Variants in KIF6 observed in about 807,000 individuals in gnomAD.
KIF6 encodes kinesin family member 6.
In KIF6, 106 loss-of-function variants were observed where a neutral mutation model predicts 112.7. The observed-to-expected ratio is 0.94, with a 90% CI of 0.80 to 1.11. KIF6 has a LOEUF of 1.11. KIF6 is among the 50% of genes least tolerant of loss of function. The pLI is 0.00. For synonymous variants in KIF6, 339 were observed against 339.9 expected (o/e 1.00, Z 0.03); for missense variants, 929 against 964.0 (o/e 0.96, Z 0.48).
intron 7 of KIF6, among the ~76,000 whole-genome samples, chr6:39,591,607 T>C (rs1056094706): frequency 1.3e-5 from 2 of 152,118 alleles, no homozygotes; most frequent in Admixed American, 1.3e-4. Context: ...AAGAGGACCG[T>C]GAGAAGGTAC....
In KIF6 at chr6:39,404,805, T is replaced by A. The variant is rs2150344380; in HGVS notation, c.1810+15143A>T. Among the ~76,000 whole-genome samples, 2 of 152,196 alleles carry A rather than the reference T, an allele frequency of 1.3e-5. 1 individual carries two copies. Among genetic ancestry groups the A allele is most frequent in the South Asian group, 4.1e-4 (2 of 4,830 alleles). On this transcript the variant is annotated intron_variant, in intron 15 of 22. Coordinates refer to ENST00000287152, the MANE Select transcript of KIF6 (RefSeq NM_145027.6). Reference sequence around the variant, plus strand: ...ATTGAGTCTTTTAATCCATAAACATTTTTTTGCCTCCATTTATTTATGTCT... The same window carrying A: ...ATTGAGTCTTTTAATCCATAAACATATTTTTGCCTCCATTTATTTATGTCT...
intron 13 of KIF6, among the ~76,000 whole-genome samples, chr6:39,452,383 AC>A (rs1772760626): frequency 6.6e-6 from 1 of 152,210 alleles, no homozygotes; most frequent in Admixed American, 6.5e-5. Flanking sequence ...CTTGGTAGTG[AC>A]CATCCTCTCT....
chr6:39,361,059 C>T (rs993041462), intron 17 of KIF6, among the ~76,000 whole-genome samples: 1 of 152,194 alleles, frequency 6.6e-6, no homozygotes, highest in Non-Finnish European at 1.5e-5. Flanking sequence ...TCCGCTGGCT[C>T]ACCTTCATGC....
chr6:39,664,367 A>G (rs1786329894), intron 3 of KIF6, among the ~76,000 whole-genome samples: 1 of 152,114 alleles, frequency 6.6e-6, no homozygotes, highest in African/African-American at 2.4e-5. Flanking sequence ...GAGACTGAAA[A>G]CTATTAAACT....
intron 6 of KIF6, among the ~76,000 whole-genome samples, chr6:39,612,080 A>G (rs2150717930): frequency 6.6e-6 from 1 of 152,324 alleles, no homozygotes; most frequent in African/African-American, 2.4e-5. Context: ...CAACTGTGAC[A>G]AAAACAAAAA....
intron 10 of KIF6, among the ~76,000 whole-genome samples, chr6:39,577,326 A>G (rs1377975011): frequency 6.6e-6 from 1 of 152,254 alleles, no homozygotes; most frequent in Non-Finnish European, 1.5e-5. Context: ...AGGGAGGGTT[A>G]GGTGAAATTA....
At chr6:39,595,648 T>C (rs1782209810) in intron 7 of KIF6, among the ~76,000 whole-genome samples, 1 of 152,174 alleles carries the variant, frequency 6.6e-6, no homozygotes, top group Non-Finnish European at 1.5e-5. Context: ...TTCTGATACA[T>C]GCTACAATAT....
rs190681951 is a variant in KIF6 at position 39,428,107 on chromosome 6, A to G, written c.1754+2946T>C. ...ATGGTTTCTGGACACTGTCTAAGCCAGTGGTTTTCAAACCTACATGCTACT... is the reference window on the plus strand; with the variant it reads ...ATGGTTTCTGGACACTGTCTAAGCCGGTGGTTTTCAAACCTACATGCTACT... On this transcript the variant is annotated intron_variant, in intron 14 of 22. Coordinates refer to ENST00000287152, the MANE Select transcript of KIF6 (RefSeq NM_145027.6). Among the ~76,000 whole-genome samples, 3 of 152,340 alleles carry G rather than the reference A, an allele frequency of 2.0e-5. No homozygotes were observed. The East Asian group carries it at 5.8e-4, about 29-fold the overall frequency.
chr6:39,439,912 C>A (rs1771807156), intron 13 of KIF6, among the ~76,000 whole-genome samples: 2 of 152,202 alleles, frequency 1.3e-5, no homozygotes, highest in South Asian at 4.1e-4. Context: ...ATTTTCCTGG[C>A]TGCTCCTAAA....
chr6:39,469,384 AT>A (rs2150437084), intron 13 of KIF6, among the ~76,000 whole-genome samples: 1 of 152,230 alleles, frequency 6.6e-6, no homozygotes, highest in Non-Finnish European at 1.5e-5. Context: ...GTCACATGAG[AT>A]TTAAAAAAAA....
In KIF6 at chr6:39,599,710, T is replaced by C. The variant is rs150877301; in HGVS notation, c.640-3450A>G. 3.3e-5 allele frequency among the ~76,000 whole-genome samples: 5 copies of C among 152,272 alleles called. No homozygotes were observed. In the East Asian group the frequency reaches 9.6e-4, roughly 29 times the overall value. On this transcript the variant is annotated intron_variant, in intron 6 of 22. Transcript: ENST00000287152. ...TTTCACTGTGATAGTCGCACAACAATAAATCCTACAATACTGTAACAAAAG... is the reference window on the plus strand; with the variant it reads ...TTTCACTGTGATAGTCGCACAACAACAAATCCTACAATACTGTAACAAAAG...
chr6:39,448,813 C>T (rs917694009), intron 13 of KIF6, among the ~76,000 whole-genome samples: 1 of 152,212 alleles, frequency 6.6e-6, no homozygotes, highest in Non-Finnish European at 1.5e-5. Context: ...TGACAGGCCA[C>T]TCCACTGGGA....
intron 10 of KIF6, among the ~76,000 whole-genome samples, chr6:39,552,081 G>A (rs9394611): frequency 0.042 from 6,405 of 152,226 alleles, 278 homozygotes; most frequent in East Asian, 0.25. Flanking sequence ...ATGTTAAGAA[G>A]CATTGCAACA....
intron 16 of KIF6, among the ~76,000 whole-genome samples, chr6:39,375,795 A>G (rs1474301301): frequency 6.6e-6 from 1 of 152,184 alleles, no homozygotes; most frequent in Non-Finnish European, 1.5e-5. Context: ...ATATATCAAT[A>G]TATTTCCTAT....
At chr6:39,346,086 C>CTCTCTCTCTCTCTCTCTCTCTCTCT (rs1326236666) in intron 20 of KIF6, among the ~76,000 whole-genome samples, 1 of 27,000 alleles carries the variant, frequency 3.7e-5, no homozygotes, top group Non-Finnish European at 6.4e-5. Context: ...CTCTCTCTCT[C>CTCTCTCTCTCTCTCTCTCTCTCTCT]CCCCCCCTCT....
At chr6:39,523,036 CATCT>C (rs1168996360) in intron 13 of KIF6, among the ~76,000 whole-genome samples, 2 of 152,176 alleles carry the variant, frequency 1.3e-5, no homozygotes, top group Admixed American at 6.5e-5. Context: ...TAGACATTCC[CATCT>C]CGTGCTCATT....
chr6:39,607,329 T>C (rs943392609), intron 6 of KIF6, among the ~76,000 whole-genome samples: 3 of 152,160 alleles, frequency 2.0e-5, no homozygotes, highest in Non-Finnish European at 4.4e-5. Context: ...TCAGGTTAGA[T>C]CAGAATGCAA....
chr6:39,537,529 A>G (rs1420423881), intron 13 of KIF6, among the ~76,000 whole-genome samples: 1 of 151,878 alleles, frequency 6.6e-6, no homozygotes, highest in Non-Finnish European at 1.5e-5. Flanking sequence ...GGACCTCTTC[A>G]AGGAGAACTA....
At position 39,357,388 on chromosome 6, in the gene KIF6, A is replaced by AAGG. The variant is rs753922680; in HGVS notation, c.2083-17_2083-15dup. ...TGGAGAATTTACCTGTTGGCCCCAG[A>AAGG]AGGAGTTTCACAGTGTTAGCTTGAA... On this transcript the variant is annotated splice_polypyrimidine_tract_variant and intron_variant, in intron 18 of 22. Transcript: ENST00000287152. 16 of 1,560,458 alleles carry AAGG rather than the reference A, an allele frequency of 1.0e-5. No homozygotes were observed. The African/African-American group carries it at 2.2e-4, about 21-fold the overall frequency.
Sources: gnomAD v4.1 joint callset for allele counts (sites outside exome capture counted in the v4.1 genomes callset) on GRCh38, gnomAD v4.1.1 for gene constraint, MANE v1.5 for transcripts, NCBI Gene and HGNC (gene_info 2026-07-23, HGNC 2026-07-21) for gene names.